UBE2D2: variants seen among roughly 807,000 people sequenced by gnomAD.
UBE2D2 encodes the protein ubiquitin-conjugating enzyme E2 D2.
A neutral mutation model predicts 24.2 loss-of-function variants in UBE2D2; 2 were observed. The observed-to-expected ratio is 0.08, with a 90% CI of 0.03 to 0.26. UBE2D2 has a LOEUF of 0.26. Among genes scored for constraint, UBE2D2 ranks in the 10% least tolerant of loss-of-function variants. The pLI is 1.00. For missense variants in UBE2D2, 44 were observed against 177.6 expected, an observed-to-expected ratio of 0.25 and a Z score of 4.28; for synonymous variants, 58 against 56.5, an observed-to-expected ratio of 1.03 and a Z score of -0.12.
intron 1 of UBE2D2, among the ~76,000 whole-genome samples, chr5:139,551,211 T>G (rs969236810): frequency 2.6e-5 from 4 of 152,086 alleles, no homozygotes; most frequent in Admixed American, 6.6e-5. Flanking sequence ...CTGGATGTGG[T>G]GGTGGGTGCT....
intron 1 of UBE2D2, among the ~76,000 whole-genome samples, chr5:139,584,460 T>A (rs1753674207): frequency 8.7e-6 from 1 of 114,564 alleles, no homozygotes; most frequent in African/African-American, 5.5e-5. Flanking sequence ...GCTAAAGTAC[T>A]CAAAGAAACT....
At chr5:139,548,193 A>AATAAAT (rs1752862553) in intron 1 of UBE2D2, among the ~76,000 whole-genome samples, 22 of 47,068 alleles carry the variant, frequency 4.7e-4, no homozygotes, top group Non-Finnish European at 6.5e-4. Flanking sequence ...ATAAAAAAAA[A>AATAAAT]AAATAAATAA....
chr5:139,596,834 C>T (rs561841074), intron 1 of UBE2D2, among the ~76,000 whole-genome samples: 4 of 152,020 alleles, frequency 2.6e-5, no homozygotes, highest in Admixed American at 2.0e-4. Context: ...ATCACGAGGT[C>T]AGGAGATCGA....
chr5:139,595,390 T>C (rs1753937590), intron 1 of UBE2D2, among the ~76,000 whole-genome samples: 1 of 152,154 alleles, frequency 6.6e-6, no homozygotes, highest in Non-Finnish European at 1.5e-5. Flanking sequence ...GTTTTTTTTT[T>C]TCCTTGAGTC....
intron 1 of UBE2D2, among the ~76,000 whole-genome samples, chr5:139,554,239 G>A (rs145006372): frequency 9.6e-4 from 145 of 151,794 alleles, no homozygotes; most frequent in African/African-American, 3.3e-3. Flanking sequence ...TCATTGTGTT[G>A]CCTAGGCTGG....
intron 1 of UBE2D2, among the ~76,000 whole-genome samples, chr5:139,578,991 G>C (rs563190766): frequency 1.8e-4 from 28 of 151,994 alleles, no homozygotes; most frequent in Non-Finnish European, 3.7e-4. Context: ...TTTTTGAGAC[G>C]AAGTCTCACT....
At chr5:139,574,814 T>C (rs1242274957) in intron 1 of UBE2D2, among the ~76,000 whole-genome samples, 1 of 152,054 alleles carries the variant, frequency 6.6e-6, no homozygotes, top group East Asian at 1.9e-4. Context: ...TTGCGAATTT[T>C]CCTGAGCCTC....
intron 1 of UBE2D2, among the ~76,000 whole-genome samples, chr5:139,595,008 T>G (rs1289829534): frequency 2.0e-5 from 3 of 152,174 alleles, no homozygotes; most frequent in Admixed American, 1.3e-4. Flanking sequence ...TGCTGTGGTG[T>G]TTAGGGAATA....
intron 1 of UBE2D2, among the ~76,000 whole-genome samples, chr5:139,575,499 G>C (rs1446983088): frequency 6.6e-6 from 1 of 152,126 alleles, no homozygotes. Context: ...CTAAAAAAGG[G>C]ATTGAATCCC....
intron 1 of UBE2D2, among the ~76,000 whole-genome samples, chr5:139,542,668 G>A (rs939734462): frequency 1.3e-5 from 2 of 152,044 alleles, no homozygotes; most frequent in African/African-American, 2.4e-5. Flanking sequence ...AGAACACTCA[G>A]GTTCATAGCA....
At chr5:139,574,336 T>C (rs1336215362) in intron 1 of UBE2D2, among the ~76,000 whole-genome samples, 1 of 151,806 alleles carries the variant, frequency 6.6e-6, no homozygotes, top group African/African-American at 2.4e-5. Flanking sequence ...TTTATTACTA[T>C]AATACATATT....
intron 1 of UBE2D2, among the ~76,000 whole-genome samples, chr5:139,548,197 TAAA>T (rs1561498609): frequency 5.6e-5 from 2 of 35,686 alleles, no homozygotes; most frequent in East Asian, 1.1e-3. Context: ...AAAAAAAAAA[TAAA>T]TAAATAAATA....
At chr5:139,613,150 G>A (rs1754358461) in intron 2 of UBE2D2, among the ~76,000 whole-genome samples, 1 of 152,154 alleles carries the variant, frequency 6.6e-6, no homozygotes, top group Non-Finnish European at 1.5e-5. Flanking sequence ...TCAACAAGCT[G>A]CTATTTTTAG....
chr5:139,540,476 G>A (rs970821033), intron 1 of UBE2D2, among the ~76,000 whole-genome samples: 4 of 149,458 alleles, frequency 2.7e-5, no homozygotes, highest in African/African-American at 5.0e-5. Context: ...AACCCGGGAG[G>A]TGGAGCTTGC....
chr5:139,552,716 C>A (rs1441234977), intron 1 of UBE2D2, among the ~76,000 whole-genome samples: 1 of 125,434 alleles, frequency 8.0e-6, no homozygotes, highest in Non-Finnish European at 1.6e-5. Context: ...GAGTTTCTCT[C>A]TTGTTGCCCA....
chr5:139,627,082 T>C lies in UBE2D2; in HGVS notation c.*281T>C, dbSNP rs1023714341. 10 of 336,158 alleles carry C rather than the reference T, an allele frequency of 3.0e-5. No homozygotes were observed. The highest frequency in any genetic ancestry group is 8.7e-4 in the Middle Eastern group (1 of 1,154). 20.8% of individuals were successfully genotyped at this position (336,158 alleles called of 1,614,324 possible). Reference sequence around the variant, plus strand: ...GGTGTGAGACTAAAAGCTTTTCTTATTGACTTAAATTTGGATAACAGCAAG... The same window carrying C: ...GGTGTGAGACTAAAAGCTTTTCTTACTGACTTAAATTTGGATAACAGCAAG... On this transcript the variant is annotated 3_prime_UTR_variant, in exon 7 of 7. Coordinates refer to ENST00000398733, the MANE Select transcript of UBE2D2 (RefSeq NM_003339.3).
intron 1 of UBE2D2, chr5:139,562,461 G>T (rs1483475232): frequency 2.0e-5 from 25 of 1,278,966 alleles, no homozygotes; most frequent in African/African-American, 3.1e-5. Context: ...ATTCCTTGAG[G>T]TTGCTGTATG....
chr5:139,584,624 C>T (rs575365561), intron 1 of UBE2D2, among the ~76,000 whole-genome samples: 140 of 144,856 alleles, frequency 9.7e-4, no homozygotes, highest in Non-Finnish European at 1.8e-3. Context: ...CCTCTGCCTC[C>T]TGGGTTCCAG....
chr5:139,623,685 C>CTT, intron 6 of UBE2D2: 7 of 366,500 alleles, frequency 1.9e-5, no homozygotes, highest in Admixed American at 4.4e-5. Flanking sequence ...TCTACAAAAA[C>CTT]TTTTTTTTTT....
Sources: allele counts gnomAD v4.1 joint callset (sites outside exome capture counted in the v4.1 genomes callset), GRCh38; gene constraint gnomAD v4.1.1; transcripts MANE v1.5; gene names NCBI Gene and HGNC (gene_info 2026-07-23, HGNC 2026-07-21).